SEMA3E: variants seen among roughly 807,000 people sequenced by gnomAD.
SEMA3E encodes semaphorin-3E.
Under a neutral mutation model 93.6 loss-of-function variants are expected in SEMA3E, and 49 were observed. The observed-to-expected ratio is 0.52, with a 90% CI of 0.42 to 0.66. The LOEUF is 0.66. Ranked by LOEUF, SEMA3E falls within the 30% of genes least tolerant of loss-of-function variation. SEMA3E has a pLI of 0.00. For missense variants in SEMA3E, 906 were observed against 964.8 expected, an observed-to-expected ratio of 0.94 and a Z score of 0.81; for synonymous variants, 363 against 330.7, an observed-to-expected ratio of 1.10 and a Z score of -1.06.
chr7:83,534,112 G>C (rs1791361146), intron 1 of SEMA3E, among the ~76,000 whole-genome samples: 1 of 152,176 alleles, frequency 6.6e-6, no homozygotes, highest in South Asian at 2.1e-4. Flanking sequence ...GTAACAAATA[G>C]ATTTCACTTA....
intron 1 of SEMA3E, among the ~76,000 whole-genome samples, chr7:83,532,625 T>G (rs1038141916): frequency 6.6e-6 from 1 of 152,104 alleles, no homozygotes; most frequent in Non-Finnish European, 1.5e-5. Context: ...TCAAGTTTCT[T>G]CTCTGTGCTT....
At chr7:83,465,203 G>C (rs1470797408) in intron 4 of SEMA3E, among the ~76,000 whole-genome samples, 3 of 151,728 alleles carry the variant, frequency 2.0e-5, no homozygotes. Context: ...GCCCACCAGA[G>C]AACAAACCCC....
chr7:83,629,731 G>C (rs1206873448), intron 1 of SEMA3E, among the ~76,000 whole-genome samples: 1 of 152,142 alleles, frequency 6.6e-6, no homozygotes, highest in East Asian at 1.9e-4. Context: ...GGGCTCTGTG[G>C]GGGTGGGATC....
intron 1 of SEMA3E, among the ~76,000 whole-genome samples, chr7:83,529,654 A>C (rs1199246154): frequency 6.6e-6 from 1 of 152,164 alleles, no homozygotes; most frequent in Admixed American, 6.5e-5. Context: ...GAAAGATGTC[A>C]GAAAAAAGCT....
At chr7:83,631,428 C>T (rs1284614225) in intron 1 of SEMA3E, among the ~76,000 whole-genome samples, 1 of 152,038 alleles carries the variant, frequency 6.6e-6, no homozygotes, top group African/African-American at 2.4e-5. Context: ...TTAGATAAAG[C>T]CCATGAAATG....
intron 1 of SEMA3E, among the ~76,000 whole-genome samples, chr7:83,530,359 C>A (rs1791263530): frequency 6.6e-6 from 1 of 152,102 alleles, no homozygotes; most frequent in Non-Finnish European, 1.5e-5. Flanking sequence ...TCTTCAGAAC[C>A]ACTTTGTAAT....
At chr7:83,644,492 A>G (rs1240819953) in intron 1 of SEMA3E, among the ~76,000 whole-genome samples, 1 of 151,984 alleles carries the variant, frequency 6.6e-6, no homozygotes, top group Admixed American at 6.6e-5. Flanking sequence ...AAAAACATTA[A>G]TAATATAAAT....
rs763371731 is a variant in SEMA3E, at chr7:83,400,075, C to T, written c.1319G>A (p.Arg440Gln). ...KYNLKQIAVD[R>Q]VEAEDGQYDV... ...ATATTGGCCATCCTCAGCTTCCACT[C>T]GATCTACTGCTATTTGTTTCAGGTT... The change falls in exon 11 of 17, where the codon CGA (arginine) becomes CAA (glutamine). Residue 440 changes from arginine to glutamine, a missense_variant. Physicochemically the swap from Arg to Gln is conservative, Grantham distance 43. Coordinates refer to ENST00000643230, the MANE Select transcript of SEMA3E (RefSeq NM_012431.3). 5 of 1,614,046 alleles carry T rather than the reference C, an allele frequency of 3.1e-6. No homozygotes were observed. The highest frequency in any genetic ancestry group is 4.5e-5 in the East Asian group (2 of 44,860).
intron 4 of SEMA3E, among the ~76,000 whole-genome samples, chr7:83,426,855 TAGTAGAACAACTAATC>T (rs1788780627): frequency 6.6e-6 from 1 of 152,104 alleles, no homozygotes; most frequent in South Asian, 2.1e-4. Flanking sequence ...CTGATTAGAT[TAGTAGAACAACTAATC>T]TAGTTGTTCT....
Position 83,584,557 on chromosome 7 carries a change from C to G in SEMA3E, c.115+63871G>C, listed in dbSNP as rs917766257. Reference sequence around the variant, plus strand: ...TAATAGGTGGTGTTGGATGCTGTCTCAGGAAGCAGTTGAAGCACCAGCTCA... The same window carrying G: ...TAATAGGTGGTGTTGGATGCTGTCTGAGGAAGCAGTTGAAGCACCAGCTCA... On this transcript the variant is annotated intron_variant, in intron 1 of 16. Coordinates refer to ENST00000643230, the MANE Select transcript of SEMA3E (RefSeq NM_012431.3). 3.9e-5 allele frequency among the ~76,000 whole-genome samples: 6 copies of G among 152,224 alleles called. 1 individual carries two copies. Among genetic ancestry groups the G allele is most frequent in the Admixed American group, 3.3e-4 (5 of 15,278 alleles).
intron 1 of SEMA3E, among the ~76,000 whole-genome samples, chr7:83,631,626 A>T (rs1187686600): frequency 6.6e-6 from 1 of 152,234 alleles, no homozygotes; most frequent in Non-Finnish European, 1.5e-5. Context: ...CTCACTCCAA[A>T]GTGCATGTCT....
At chr7:83,417,112 CTT>C (rs59669475) in intron 5 of SEMA3E, among the ~76,000 whole-genome samples, 80,745 of 151,262 alleles carry the variant, frequency 0.53, 23,324 homozygotes, top group East Asian at 0.84. Context: ...TATTGTACCT[CTT>C]TATTCAAGCC....
chr7:83,372,513 G>A lies in SEMA3E; in HGVS notation c.1876-4475C>T, dbSNP rs1039939289. Reference sequence around the variant, plus strand: ...CTAGAATTAGGGTTGTTTGTTTGTTGCTTGTTTTTTCAAGTTTGGTAAGTT... The same window carrying A: ...CTAGAATTAGGGTTGTTTGTTTGTTACTTGTTTTTTCAAGTTTGGTAAGTT... On this transcript the variant is annotated intron_variant, in intron 16 of 16. Transcript: ENST00000643230. The A allele has an allele frequency of 1.2e-5, 4 of 336,932 alleles. No homozygotes were observed. The Admixed American group carries it at 1.4e-4, about 12-fold the overall frequency. 20.9% of individuals were successfully genotyped at this position (336,932 alleles called of 1,614,324 possible). A position where few individuals can be genotyped will look rare whatever the true frequency, so the allele number is the denominator to read the frequency against.
intron 1 of SEMA3E, among the ~76,000 whole-genome samples, chr7:83,517,946 C>A (rs1022365516): frequency 6.6e-6 from 1 of 152,058 alleles, no homozygotes; most frequent in African/African-American, 2.4e-5. Flanking sequence ...TGGTTTGGGG[C>A]CTCTGGGTGA....
At chr7:83,488,299 G>A (rs919193878) in intron 2 of SEMA3E, among the ~76,000 whole-genome samples, 5 of 152,060 alleles carry the variant, frequency 3.3e-5, no homozygotes, top group Non-Finnish European at 5.9e-5. Context: ...AAGGCCATGG[G>A]GTCCCTGGTA....
At chr7:83,405,923 T>C in intron 8 of SEMA3E, 22 bp downstream of exon 8, 1 of 1,543,838 alleles carries the variant, frequency 6.5e-7, no homozygotes, top group Non-Finnish European at 9.0e-7. Flanking sequence ...AGAGCAAATT[T>C]AATTCACCTA....
chr7:83,417,877 C>T (rs890662292), intron 5 of SEMA3E, among the ~76,000 whole-genome samples: 35 of 152,138 alleles, frequency 2.3e-4, no homozygotes, highest in African/African-American at 7.5e-4. Flanking sequence ...ATAGGTTGAG[C>T]GGATCAACTT....
chr7:83,556,248 A>T (rs1791885226), intron 1 of SEMA3E, among the ~76,000 whole-genome samples: 1 of 152,146 alleles, frequency 6.6e-6, no homozygotes, highest in Non-Finnish European at 1.5e-5. Flanking sequence ...ATAATACTTT[A>T]GCATATATCT....
At chr7:83,512,512 A>C (rs910252693) in intron 1 of SEMA3E, among the ~76,000 whole-genome samples, 13 of 152,222 alleles carry the variant, frequency 8.5e-5, no homozygotes, top group African/African-American at 3.1e-4. Flanking sequence ...ACATTCAAAA[A>C]AGATATTACG....
Sources: allele counts gnomAD v4.1 joint callset (sites outside exome capture counted in the v4.1 genomes callset), GRCh38; gene constraint gnomAD v4.1.1; transcripts MANE v1.5; gene names NCBI Gene and HGNC (gene_info 2026-07-23, HGNC 2026-07-21).